Variants in PRKG1 observed in about 807,000 individuals in gnomAD.
The protein encoded by PRKG1 is cGMP-dependent protein kinase 1.
PRKG1 carries 35 observed loss-of-function variants against 88.1 expected under a neutral mutation model. The observed-to-expected ratio is 0.40, with a 90% CI of 0.30 to 0.53. The LOEUF (loss-of-function observed/expected upper bound fraction) is 0.53, where lower values mean the gene tolerates loss of function less well. PRKG1 is among the 20% of genes least tolerant of loss of function. PRKG1 has a pLI of 0.59. For missense variants in PRKG1, 540 were observed against 839.8 expected (o/e 0.64, Z 4.41); for synonymous variants, 303 against 292.5 (o/e 1.04, Z -0.37).
intron 1 of PRKG1, among the ~76,000 whole-genome samples, chr10:51,026,159 C>T (rs1336282230): frequency 6.6e-6 from 1 of 152,146 alleles, no homozygotes; most frequent in Non-Finnish European, 1.5e-5. Context: ...CCTCCCAGCT[C>T]TCAAAAGGAC....
At chr10:51,325,534 T>G (rs1303670377) in intron 2 of PRKG1, among the ~76,000 whole-genome samples, 1 of 152,182 alleles carries the variant, frequency 6.6e-6, no homozygotes, top group Non-Finnish European at 1.5e-5. Context: ...GTCAGATGGA[T>G]AGTTTACAAA....
At chr10:51,846,402 C>T (rs1186682409) in intron 4 of PRKG1, among the ~76,000 whole-genome samples, 3 of 152,116 alleles carry the variant, frequency 2.0e-5, no homozygotes, top group Non-Finnish European at 4.4e-5. Context: ...AACATAACCT[C>T]ATAACTCAAC....
chr10:51,146,195 A>G (rs1845944701), intron 1 of PRKG1, among the ~76,000 whole-genome samples: 1 of 151,922 alleles, frequency 6.6e-6, no homozygotes, highest in South Asian at 2.1e-4. Context: ...TCTCAAAAAA[A>G]AAAAAGAAAA....
chr10:51,911,373 T>C (rs1042203214), intron 5 of PRKG1, among the ~76,000 whole-genome samples: 1 of 151,622 alleles, frequency 6.6e-6, no homozygotes, highest in African/African-American at 2.4e-5. Flanking sequence ...TCTTTAATCA[T>C]TGTCTTTCTT....
At chr10:52,039,960 C>T (rs1449782434) in intron 5 of PRKG1, among the ~76,000 whole-genome samples, 1 of 152,130 alleles carries the variant, frequency 6.6e-6, no homozygotes, top group Non-Finnish European at 1.5e-5. Flanking sequence ...AGACTACTCT[C>T]AGACAAGCCT....
chr10:52,151,756 T>G (rs540007156), intron 8 of PRKG1, among the ~76,000 whole-genome samples: 1 of 152,324 alleles, frequency 6.6e-6, no homozygotes, highest in South Asian at 2.1e-4. Context: ...TAGGGCAATC[T>G]ATTCTTATAT....
intron 3 of PRKG1, among the ~76,000 whole-genome samples, chr10:51,580,147 G>T (rs1306638695): frequency 6.6e-6 from 1 of 151,966 alleles, no homozygotes; most frequent in Non-Finnish European, 1.5e-5. Context: ...CACAATCTTT[G>T]TATCCTTCAG....
intron 2 of PRKG1, among the ~76,000 whole-genome samples, chr10:51,161,805 G>A (rs1169077211): frequency 6.6e-6 from 1 of 152,070 alleles, no homozygotes; most frequent in African/African-American, 2.4e-5. Context: ...CTTTAAAAGT[G>A]TATTTTTTTG....
intron 7 of PRKG1, among the ~76,000 whole-genome samples, chr10:52,107,595 T>G (rs892501799): frequency 6.6e-6 from 1 of 152,176 alleles, no homozygotes; most frequent in Non-Finnish European, 1.5e-5. Context: ...TCACTTGAAC[T>G]TTAAAAATGT....
chr10:51,419,664 G>A (rs1057084349), intron 2 of PRKG1, among the ~76,000 whole-genome samples: 1 of 152,072 alleles, frequency 6.6e-6, no homozygotes, highest in Non-Finnish European at 1.5e-5. Context: ...TGTCATATAA[G>A]GGACAGTGCC....
At chr10:51,812,165 A>G (rs999149617) in intron 4 of PRKG1, among the ~76,000 whole-genome samples, 9 of 152,166 alleles carry the variant, frequency 5.9e-5, no homozygotes, top group African/African-American at 1.4e-4. Flanking sequence ...ATTTTTGCCA[A>G]TGAGAAATAA....
At chr10:51,579,810 C>A (rs930818919) in intron 3 of PRKG1, among the ~76,000 whole-genome samples, 1 of 152,068 alleles carries the variant, frequency 6.6e-6, no homozygotes, top group East Asian at 1.9e-4. Flanking sequence ...TTTTAGCAAT[C>A]CTCACAATCA....
chr10:52,130,357 A>G (rs1035521003), intron 7 of PRKG1, among the ~76,000 whole-genome samples: 2 of 152,210 alleles, frequency 1.3e-5, no homozygotes, highest in Admixed American at 1.3e-4. Flanking sequence ...GTTGCATGGA[A>G]ATTGCATTCA....
At position 51,961,167 on chromosome 10, in the gene PRKG1, T is replaced by A. The variant is rs1207563779; in HGVS notation, c.762+53597T>A. Among the ~76,000 whole-genome samples, 4 of 152,176 alleles carry A rather than the reference T, an allele frequency of 2.6e-5. No homozygotes were observed. In the East Asian group the frequency reaches 5.8e-4, roughly 22 times the overall value. On this transcript the variant is annotated intron_variant, in intron 5 of 17. Coordinates refer to ENST00000373980, the MANE Select transcript of PRKG1 (RefSeq NM_006258.4). The stretch of plus-strand genomic sequence containing the variant: ...TCTACAGAACTAACATAATACCAAA[T>A]ACAGTTGTCTTGATATTGTGGGGGG...
chr10:51,822,538 T>G (rs1839776547), intron 4 of PRKG1, among the ~76,000 whole-genome samples: 1 of 152,118 alleles, frequency 6.6e-6, no homozygotes, highest in Non-Finnish European at 1.5e-5. Context: ...TCTTGTGCAA[T>G]TTTTGTAAAT....
Position 51,249,810 on chromosome 10 carries a change from A to G in PRKG1, c.478+96480A>G, listed in dbSNP as rs535643262. Among the ~76,000 whole-genome samples the G allele has an allele frequency of 5.9e-5, 9 of 151,932 alleles. No individual in the cohort carries two copies. In the South Asian group the frequency reaches 1.7e-3, roughly 28 times the overall value. ...CCCAGTGAACATGACAAACACTACT[A>G]TCATTGTGAAGTGTGCATTCTAATA... is the stretch of plus-strand genomic sequence containing the variant. On this transcript the variant is annotated intron_variant, in intron 2 of 17. Coordinates refer to ENST00000373980, the MANE Select transcript of PRKG1 (RefSeq NM_006258.4).
At chr10:51,341,086 C>T (rs1017672391) in intron 2 of PRKG1, among the ~76,000 whole-genome samples, 7 of 152,166 alleles carry the variant, frequency 4.6e-5, no homozygotes, top group Admixed American at 6.5e-5. Context: ...ATTTTATCAT[C>T]ACAGCTCATA....
chr10:51,867,294 T>A (rs1157246420), intron 4 of PRKG1, among the ~76,000 whole-genome samples: 1 of 152,150 alleles, frequency 6.6e-6, no homozygotes, highest in East Asian at 1.9e-4. Flanking sequence ...GACCTTATGT[T>A]CCATGCTAAA....
chr10:51,709,280 T>A (rs1486564309), intron 3 of PRKG1, among the ~76,000 whole-genome samples: 2 of 152,220 alleles, frequency 1.3e-5, no homozygotes, highest in Non-Finnish European at 2.9e-5. Flanking sequence ...ACTGTACTTT[T>A]AAAATATCAA....
Sources: gnomAD v4.1 joint callset for allele counts (sites outside exome capture counted in the v4.1 genomes callset) on GRCh38, gnomAD v4.1.1 for gene constraint, MANE v1.5 for transcripts, NCBI Gene and HGNC (gene_info 2026-07-23, HGNC 2026-07-21) for gene names.